SNX14: variants seen among roughly 807,000 people sequenced by gnomAD.
The protein encoded by SNX14 is sorting nexin 14.
SNX14 carries 93 observed loss-of-function variants against 133.8 expected under a neutral mutation model. The observed-to-expected ratio is 0.70, with a 90% CI of 0.59 to 0.83. SNX14 has a LOEUF of 0.83. Ranked by LOEUF, SNX14 falls within the 40% of genes least tolerant of loss-of-function variation. SNX14 has a pLI of 0.00. For synonymous variants in SNX14, 368 were observed against 365.6 expected, an observed-to-expected ratio of 1.01 and a Z score of -0.07; for missense variants, 945 against 1,094.9, an observed-to-expected ratio of 0.86 and a Z score of 1.93.
intron 7 of SNX14, among the ~76,000 whole-genome samples, chr6:85,556,236 A>C (rs924618520): frequency 2.0e-5 from 3 of 151,982 alleles, no homozygotes. Context: ...CGTTCTTCTG[A>C]CAGTAAAGTA....
intron 1 of SNX14, among the ~76,000 whole-genome samples, chr6:85,576,500 C>T (rs1797381823): frequency 6.6e-6 from 1 of 150,524 alleles, no homozygotes; most frequent in Non-Finnish European, 1.5e-5. Flanking sequence ...ATTTGAAACA[C>T]AGTAAATTGC....
At chr6:85,519,596 C>T (rs1442178490) in intron 21 of SNX14, among the ~76,000 whole-genome samples, 1 of 152,056 alleles carries the variant, frequency 6.6e-6, no homozygotes, top group Non-Finnish European at 1.5e-5. Flanking sequence ...GTTGGCTGGG[C>T]GTGGTGGCTC....
intron 17 of SNX14, among the ~76,000 whole-genome samples, chr6:85,534,700 C>A (rs1781312149): frequency 6.6e-6 from 1 of 152,070 alleles, no homozygotes; most frequent in Admixed American, 6.6e-5. Context: ...ATAAAAAATA[C>A]ATCTTCTTCC....
chr6:85,585,422 A>C (rs1351534835), intron 1 of SNX14, among the ~76,000 whole-genome samples: 1 of 152,152 alleles, frequency 6.6e-6, no homozygotes, highest in Non-Finnish European at 1.5e-5. Flanking sequence ...AAAAACACTG[A>C]AAACCAATAA....
In SNX14 at chr6:85,550,374, A is replaced by C. The variant is rs557350393; in HGVS notation, c.635-495T>G. ...TATATAAAATAATAGCAAATGATTA[A>C]GTGGAAAAAATTAGAGAAAACAACT... On this transcript the variant is annotated intron_variant, in intron 7 of 28. Transcript: ENST00000314673. 2.6e-5 allele frequency among the ~76,000 whole-genome samples: 4 copies of C among 152,236 alleles called. No homozygotes were observed. The South Asian group carries it at 8.3e-4, about 31-fold the overall frequency.
At chr6:85,567,628 A>G in intron 4 of SNX14, 51 bp from the exon 5 acceptor site, 1 of 1,208,346 alleles carries the variant, frequency 8.3e-7, no homozygotes. Context: ...TAGTTTTTGG[A>G]AAATAAATGG....
rs748242847 is a variant in SNX14 at position 85,543,215 on chromosome 6, A to G, written c.1356T>C (p.Asn452=). ...TATGGCAGAACATAGGAGTAAATAC[A>G]TTCTCCAAAAGGGAAAGAACATGTT... The part of the protein sequence containing the change: ...AYEHVLSLLE[N]VFTPMFCHSD... Residue 452 remains asparagine (N), a synonymous_variant, in exon 14 of 29, where the codon AAT becomes AAC. Transcript: ENST00000314673. 1.9e-6 allele frequency: 3 copies of G among 1,591,604 alleles called. No homozygotes were observed. The highest frequency in any genetic ancestry group is 2.3e-5 in the South Asian group (2 of 86,186).
intron 23 of SNX14, among the ~76,000 whole-genome samples, chr6:85,515,330 T>G (rs971280658): frequency 7.2e-6 from 1 of 138,230 alleles, no homozygotes; most frequent in Admixed American, 7.5e-5. Context: ...TAAGTAGAGG[T>G]AAAAATCCAG....
rs149574307 is a variant in SNX14 at position 85,593,674 on chromosome 6, C to A, written c.45G>T (p.Arg15=). 6.2e-7 allele frequency: 1 copy of A among 1,613,532 alleles called. No homozygotes were observed. Among genetic ancestry groups the A allele is most frequent in the Non-Finnish European group, 8.5e-7 (1 of 1,179,940 alleles). The change falls in exon 1 of 29, where the codon CGG becomes CGT. Residue 15 remains arginine (R), a synonymous_variant. Transcript: ENST00000314673. Reference sequence around the variant, plus strand: ...TCTCGCGTCCCACGTCCAGTCGCAGCCGCTGCTTCAGCTTCTGCCCCATCG... The same window carrying A: ...TCTCGCGTCCCACGTCCAGTCGCAGACGCTGCTTCAGCTTCTGCCCCATCG... ...VRTMGQKLKQ[R]LRLDVGREIC...
rs1276557820 is a variant in SNX14 at position 85,533,484 on chromosome 6, T to G, written c.1810+115A>C. 3 of 947,496 alleles carry G rather than the reference T, an allele frequency of 3.2e-6. No individual in the cohort carries two copies. The Admixed American group carries it at 7.9e-5, about 25-fold the overall frequency. 58.7% of individuals were successfully genotyped at this position (947,496 alleles called of 1,614,324 possible). ...CAATTTTCTGTTCTGGACACTTCTC[T>G]TTTGGATATGCAGCCATATTTGTTA... is the stretch of plus-strand genomic sequence containing the variant. On this transcript the variant is annotated intron_variant, in intron 18 of 28. Transcript: ENST00000314673.
At chr6:85,585,538 TAACAA>T (rs1800548818) in intron 1 of SNX14, among the ~76,000 whole-genome samples, 2 of 151,818 alleles carry the variant, frequency 1.3e-5, no homozygotes, top group East Asian at 3.9e-4. Flanking sequence ...AATGACAAAT[TAACAA>T]AATATAAGCT....
At chr6:85,521,651 C>T (rs902663565) in intron 21 of SNX14, among the ~76,000 whole-genome samples, 2 of 152,020 alleles carry the variant, frequency 1.3e-5, no homozygotes, top group African/African-American at 2.4e-5. Context: ...TGTGTAGAAG[C>T]CTTTTATTAG....
intron 21 of SNX14, among the ~76,000 whole-genome samples, chr6:85,524,114 G>A (rs948481976): frequency 3.8e-4 from 58 of 150,710 alleles, no homozygotes; most frequent in Non-Finnish European, 1.0e-4. Flanking sequence ...CCCGGGAGGC[G>A]GAGGTTGCAG....
At chr6:85,583,062 A>G (rs1799536488) in intron 1 of SNX14, among the ~76,000 whole-genome samples, 3 of 152,180 alleles carry the variant, frequency 2.0e-5, no homozygotes, top group Admixed American at 2.0e-4. Context: ...ATCCACCATG[A>G]TCAAGTCGGC....
At chr6:85,558,607 G>A (rs781427041) in intron 6 of SNX14, among the ~76,000 whole-genome samples, 2 of 152,030 alleles carry the variant, frequency 1.3e-5, no homozygotes, top group East Asian at 1.9e-4. Context: ...GAATACAGGC[G>A]CATGCCACCA....
chr6:85,527,158 T>C (rs1778761098), intron 20 of SNX14, among the ~76,000 whole-genome samples: 1 of 152,190 alleles, frequency 6.6e-6, no homozygotes, highest in Admixed American at 6.5e-5. Context: ...CACAAAACTT[T>C]ATAAGCAGAA....
intron 23 of SNX14, among the ~76,000 whole-genome samples, chr6:85,516,224 C>T (rs940448819): frequency 6.6e-6 from 1 of 152,110 alleles, no homozygotes; most frequent in Non-Finnish European, 1.5e-5. Flanking sequence ...ATCATTCCTA[C>T]AATGTTAGAA....
intron 21 of SNX14, among the ~76,000 whole-genome samples, chr6:85,523,164 T>C (rs944223919): frequency 6.6e-6 from 1 of 152,192 alleles, no homozygotes; most frequent in Admixed American, 6.5e-5. Context: ...TAAGTTATAT[T>C]GGTATCAAAG....
intron 6 of SNX14, among the ~76,000 whole-genome samples, chr6:85,564,106 C>A (rs929827707): frequency 8.5e-5 from 13 of 152,142 alleles, no homozygotes; most frequent in Non-Finnish European, 1.5e-4. Context: ...TGAACTCATC[C>A]TTTTTTATGG....
Sources: gnomAD v4.1 joint callset for allele counts (sites outside exome capture counted in the v4.1 genomes callset) on GRCh38, gnomAD v4.1.1 for gene constraint, MANE v1.5 for transcripts, NCBI Gene and HGNC (gene_info 2026-07-23, HGNC 2026-07-21) for gene names.